The following FLII variants were observed in gnomAD, a reference collection of about 807,000 sequenced individuals.
FLII encodes the protein protein flightless-1 homolog.
FLII carries 101 observed loss-of-function variants against 156.2 expected under a neutral mutation model. The ratio of observed to expected loss-of-function variants is 0.65; its 90% CI spans 0.55 to 0.76. The LOEUF (loss-of-function observed/expected upper bound fraction) is 0.76, where lower values mean the gene tolerates loss of function less well. FLII is among the 30% of genes least tolerant of loss of function. The probability of loss-of-function intolerance (pLI) is 0.00; values close to 1 mark genes in which losing one functional copy is unlikely to be tolerated. For missense variants in FLII, 1,675 were observed against 1,682.8 expected (o/e 1.00, Z 0.08); for synonymous variants, 767 against 685.8 (o/e 1.12, Z -1.85).
In FLII at chr17:18,256,952, C is replaced by A. The variant is rs765267970; in HGVS notation, c.131G>T (p.Gly44Val). 2 of 1,612,100 alleles carry A rather than the reference C, an allele frequency of 1.2e-6. No individual in the cohort carries two copies. The highest frequency in any genetic ancestry group is 3.3e-5 in the Admixed American group (2 of 59,896). ...SLRWLKLNRTGLCYLPEELAA... is the reference protein window; with the variant it reads ...SLRWLKLNRTVLCYLPEELAA... The stretch of plus-strand genomic sequence containing the variant: ...CAGCTCCTCGGGCAGGTAGCAGAGG[C>A]CAGTGCGGTTCAGCTTCAGCCACCG... The change falls in exon 2 of 30, where the codon GGC becomes GTC. Residue 44 changes from glycine to valine, a missense_variant. Gly to Val is a moderately radical substitution (Grantham distance 109). Transcript: ENST00000327031.
rs770406568 is a variant in FLII, at chr17:18,246,960, C to CTCT, written c.2766_2768dup (p.Glu924dup). ...CCTGCGTGTAGAAGTGGCCAAACTC[C>CTCT]TCTTCCGGCAGCCGCGCAAACTTCT... is the stretch of plus-strand genomic sequence containing the variant. On this transcript the variant is annotated inframe_insertion, in exon 22 of 30. Coordinates refer to ENST00000327031, the MANE Select transcript of FLII (RefSeq NM_002018.4). 6.2e-7 allele frequency: 1 copy of CTCT among 1,614,072 alleles called. No individual in the cohort carries two copies. Among genetic ancestry groups the CTCT allele is most frequent in the African/African-American group, 1.3e-5 (1 of 74,926 alleles).
rs779280494 is a variant in FLII at position 18,247,002 on chromosome 17, A to T, written c.2727T>A (p.Gly909=). The T allele has an allele frequency of 1.2e-6, 2 of 1,613,576 alleles. No homozygotes were observed. Among genetic ancestry groups the T allele is most frequent in the South Asian group, 2.2e-5 (2 of 91,068 alleles). Residue 909 remains glycine (G), a synonymous_variant, in exon 22 of 30, where the codon GGT becomes GGA. Coordinates refer to ENST00000327031, the MANE Select transcript of FLII (RefSeq NM_002018.4). ...EWNEDLDGME[G]FVLEGKKFAR... is the part of the protein sequence containing the mutation. ...CAAACTTCTTGCCCTCCAGCACGAA[A>T]CCCTCCATGCCGTCTAGGTCTTCGT...
Position 18,248,850 on chromosome 17 carries a change from G to C in FLII, c.1968C>G (p.Ile656Met), listed in dbSNP as rs765296982. The change falls in exon 17 of 30, where the codon ATC becomes ATG. Residue 656 changes from isoleucine to methionine, a missense_variant. This residue lies in a region of FLII where 1,332 missense variants were observed against 1,269.3 expected (regional missense o/e 1.05). Transcript: ENST00000327031. ...FVFLLDRGLD[I>M]YVWRGAQATL... ...TGGCCTGGGCCCCCCGCCATACGTA[G>C]ATGTCTAGCCCTCGGTCCAGCAGGA... is the stretch of plus-strand genomic sequence containing the variant. 4 of 1,614,018 alleles carry C rather than the reference G, an allele frequency of 2.5e-6. No individual in the cohort carries two copies. The highest frequency in any genetic ancestry group is 3.4e-6 in the Non-Finnish European group (4 of 1,179,952).
chr17:18,251,678 ACCT>A lies in FLII; in HGVS notation c.1382_1383+1del, dbSNP rs2048273160. The A allele has an allele frequency of 6.2e-7, 1 of 1,613,678 alleles. No homozygotes were observed. Among genetic ancestry groups the A allele is most frequent in the South Asian group, 1.1e-5 (1 of 91,076 alleles). On this transcript the variant is annotated splice_donor_variant and coding_sequence_variant, in exon 12 of 30. Transcript: ENST00000327031. LOFTEE classifies it high-confidence loss of function. ...CCTTGTCCCAACCCTGGCCTGGCTC[ACCT>A]CCTGCTTTTTGTTCTTCTCCTGGGC...
At chr17:18,248,110 C>G (rs35738574) in intron 18 of FLII, 77 bp from the exon 19 acceptor site, 234,632 of 969,782 alleles carry the variant, frequency 0.24, 28,700 homozygotes, top group Middle Eastern at 0.29. Context: ...TGCTCTGGAA[C>G]CAGCCCTGCC....
intron 18 of FLII, 60 bp downstream of exon 18, chr17:18,248,490 A>G: frequency 2.0e-6 from 3 of 1,507,330 alleles, no homozygotes; most frequent in Non-Finnish European, 2.7e-6. Context: ...TGTGTAGTCC[A>G]TTCCCCCAGT....
At position 18,247,161 on chromosome 17, in the gene FLII, G is replaced by GCC; in HGVS notation, c.2676+6_2676+7dup. 4 of 1,141,512 alleles carry GCC rather than the reference G, an allele frequency of 3.5e-6. No homozygotes were observed. The Admixed American group carries it at 1.2e-4, about 34-fold the overall frequency. 70.7% of individuals were successfully genotyped at this position (1,141,512 alleles called of 1,614,324 possible). On this transcript the variant is annotated splice_region_variant and intron_variant, in intron 21 of 29. Coordinates refer to ENST00000327031, the MANE Select transcript of FLII (RefSeq NM_002018.4). The stretch of plus-strand genomic sequence containing the variant: ...CCCCCCGCGCCCCGGTCCCGGCCCT[G>GCC]CCCCCACCTCGGCCAGCGACATGGG...
Position 18,245,322 on chromosome 17 carries a change from G to A in FLII, c.3675+32C>T, listed in dbSNP as rs148683920. 4,630 of 1,613,990 alleles carry A rather than the reference G, an allele frequency of 2.9e-3. 8 individuals carry two copies. Among genetic ancestry groups the A allele is most frequent in the Non-Finnish European group, 3.0e-3 (3,524 of 1,179,880 alleles). The stretch of plus-strand genomic sequence containing the variant: ...GGTGATGACCCTGCCCTGCCCACAG[G>A]CCCACCTCGGCCCTCCCTCCACCCA... On this transcript the variant is annotated intron_variant, in intron 29 of 29. Transcript: ENST00000327031.
intron 3 of FLII, among the ~76,000 whole-genome samples, chr17:18,255,689 C>T (rs2048395024): frequency 1.3e-5 from 2 of 152,122 alleles, no homozygotes; most frequent in African/African-American, 4.8e-5. Context: ...TCATACCTTA[C>T]AGACATGCAG....
In FLII at chr17:18,258,359, G is replaced by T; in HGVS notation, c.63+269C>A. 2 of 838,460 alleles carry T rather than the reference G, an allele frequency of 2.4e-6. No individual in the cohort carries two copies. Among genetic ancestry groups the T allele is most frequent in the Non-Finnish European group, 3.6e-6 (2 of 556,836 alleles). 51.9% of individuals were successfully genotyped at this position (838,460 alleles called of 1,614,324 possible). On this transcript the variant is annotated intron_variant, in intron 1 of 29. Coordinates refer to ENST00000327031, the MANE Select transcript of FLII (RefSeq NM_002018.4). This position sits in a 1 kb window ranked among gnomAD's most constrained non-coding sequence, Gnocchi z 4.2. ...TCCAGCCTAGACCGAGAACACGGAC[G>T]CGGGGTGGGGGCTCCCGGCCGGGCC...
Position 18,245,028 on chromosome 17 carries a change from ACTGGACGTGG to A in FLII, c.*100_*109del. 3 of 1,237,064 alleles carry A rather than the reference ACTGGACGTGG, an allele frequency of 2.4e-6. No homozygotes were observed. The highest frequency in any genetic ancestry group is 3.4e-6 in the Non-Finnish European group (3 of 879,080). 76.6% of individuals were successfully genotyped at this position (1,237,064 alleles called of 1,614,324 possible). A position where few individuals can be genotyped will look rare whatever the true frequency, so the allele number is the denominator to read the frequency against. The stretch of plus-strand genomic sequence containing the variant: ...GCTTGAGGCTACTGGGGACTGTGGC[ACTGGACGTGG>A]CTGGAGCAGGTGGTGTCACCTGAGT... On this transcript the variant is annotated 3_prime_UTR_variant, in exon 30 of 30. Transcript: ENST00000327031.
In FLII at chr17:18,248,627, C is replaced by T. The variant is rs2048163403; in HGVS notation, c.2113G>A (p.Ala705Thr). 1.2e-6 allele frequency: 2 copies of T among 1,613,798 alleles called. No individual in the cohort carries two copies. Among genetic ancestry groups the T allele is most frequent in the South Asian group, 1.1e-5 (1 of 91,082 alleles). The change falls in exon 18 of 30, where the codon GCA (alanine) becomes ACA (threonine). Residue 705 changes from alanine (A) to threonine (T), a missense_variant. Coordinates refer to ENST00000327031, the MANE Select transcript of FLII (RefSeq NM_002018.4). ...QGQELPEFWE[A>T]LGGEPSEIKK... ...ATCTCAGAGGGCTCCCCACCCAGTG[C>T]CTCCCAGAACTCTGGGAGCTCCTGG...
chr17:18,248,178 G>A, intron 18 of FLII, 145 bp from the exon 19 acceptor site: 1 of 618,506 alleles, frequency 1.6e-6, no homozygotes, highest in South Asian at 2.0e-5. Context: ...GTCTTTTTAG[G>A]GATATCCTTT....
At chr17:18,248,499 G>C in intron 18 of FLII, 51 bp downstream of exon 18, 2 of 1,537,814 alleles carry the variant, frequency 1.3e-6, no homozygotes, top group Non-Finnish European at 1.8e-6. Context: ...CATTCCCCCA[G>C]TCGGTGGGTG....
In FLII at chr17:18,251,276, T is replaced by C. The variant is rs761692050; in HGVS notation, c.1585A>G (p.Ile529Val). 17 of 1,613,916 alleles carry C rather than the reference T, an allele frequency of 1.1e-5. No individual in the cohort carries two copies. In the Admixed American group the frequency reaches 2.2e-4, roughly 21 times the overall value. ...TGCCCAGCCCTCACCTTGAGCACAA[T>C]GTAGCAGTCAGCCTCGTAGAACTTG... is the stretch of plus-strand genomic sequence containing the variant. ...HGKFYEADCY[I>V]VLKTFLDDSG... Residue 529 changes from isoleucine (I) to valine (V), a missense_variant, in exon 13 of 30, where the codon ATT (isoleucine) becomes GTT (valine). By Grantham distance (29) the Ile-to-Val change is conservative (BLOSUM62 3). This residue lies in a region of FLII where 1,332 missense variants were observed against 1,269.3 expected (regional missense o/e 1.05). Transcript: ENST00000327031.
chr17:18,251,294 A>T lies in FLII; in HGVS notation c.1567T>A (p.Tyr523Asn). 1.9e-6 allele frequency: 3 copies of T among 1,614,008 alleles called. No individual in the cohort carries two copies. Among genetic ancestry groups the T allele is most frequent in the Non-Finnish European group, 2.5e-6 (3 of 1,180,030 alleles). ...AGCACAATGTAGCAGTCAGCCTCGT[A>T]GAACTTGCCGTGGAAGGCTTCCTCC... ...LVEEAFHGKF[Y>N]EADCYIVLKT... is the part of the protein sequence containing the mutation. The change falls in exon 13 of 30, where the codon TAC becomes AAC. Residue 523 changes from tyrosine to asparagine, a missense_variant. By Grantham distance (143) the Tyr-to-Asn change is moderately radical. Transcript: ENST00000327031.
rs374580964 is a variant in FLII at position 18,246,168 on chromosome 17, G to T, written c.3261C>A (p.Ile1087=). 185 of 1,614,066 alleles carry T rather than the reference G, an allele frequency of 1.1e-4. No individual in the cohort carries two copies. Among genetic ancestry groups the T allele is most frequent in the Non-Finnish European group, 1.5e-4 (181 of 1,180,046 alleles). The change falls in exon 25 of 30, where the codon ATC becomes ATA. Residue 1087 remains isoleucine (I), a synonymous_variant. Transcript: ENST00000327031. ...CTCACACCCACAACCCCACCTTGAGGATGAAGCAGAACTCGGAGTTGAGGA... is the reference window on the plus strand; with the variant it reads ...CTCACACCCACAACCCCACCTTGAGTATGAAGCAGAACTCGGAGTTGAGGA... ...SSLLNSEFCF[I]LKVPFESEDN... is the part of the protein sequence containing the mutation.
At chr17:18,249,238 A>G (rs1220966834) in intron 15 of FLII, 37 bp from the exon 16 acceptor site, 2 of 1,610,560 alleles carry the variant, frequency 1.2e-6, no homozygotes, top group South Asian at 1.1e-5. Context: ...TGTAGGCACC[A>G]AGGGCCTAAC....
Position 18,245,866 on chromosome 17 carries a change from G to T in FLII, c.3397-16C>A. 6.2e-7 allele frequency: 1 copy of T among 1,613,974 alleles called. No homozygotes were observed. The highest frequency in any genetic ancestry group is 8.5e-7 in the Non-Finnish European group (1 of 1,179,958). ...CGTTGATAACCTGCGGGAAAGGCCAGTCCAGCCCAGGGCCCCTGCCTGCCC... is the reference window on the plus strand; with the variant it reads ...CGTTGATAACCTGCGGGAAAGGCCATTCCAGCCCAGGGCCCCTGCCTGCCC... On this transcript the variant is annotated splice_polypyrimidine_tract_variant and intron_variant, in intron 26 of 29. Coordinates refer to ENST00000327031, the MANE Select transcript of FLII (RefSeq NM_002018.4).
Sources: allele counts gnomAD v4.1 joint callset (sites outside exome capture counted in the v4.1 genomes callset), GRCh38; gene constraint gnomAD v4.1.1; regional missense constraint gnomAD v4.1.1; non-coding constraint Gnocchi (gnomAD v3.1); transcripts MANE v1.5; gene names NCBI Gene and HGNC (gene_info 2026-07-23, HGNC 2026-07-21).